DDX60L: variants seen among roughly 807,000 people sequenced by gnomAD.
DDX60L encodes the protein probable ATP-dependent RNA helicase DDX60-like.
A neutral mutation model predicts 211.6 loss-of-function variants in DDX60L; 191 were observed. The ratio of observed to expected loss-of-function variants is 0.90; its 90% CI spans 0.80 to 1.02. DDX60L has a LOEUF of 1.02. DDX60L is among the 50% of genes least tolerant of loss of function. The pLI is 0.00. For synonymous variants in DDX60L, 706 were observed against 694.1 expected, an observed-to-expected ratio of 1.02 and a Z score of -0.27; for missense variants, 2,007 against 1,984.1, an observed-to-expected ratio of 1.01 and a Z score of -0.22.
intron 9 of DDX60L, among the ~76,000 whole-genome samples, chr4:168,445,536 AGCATCATTCTGATACCAAAGCCAG>A (rs1268945545): frequency 6.6e-6 from 1 of 152,184 alleles, no homozygotes; most frequent in Non-Finnish European, 1.5e-5. Context: ...TTATGAGGCC[AGCATCATTCTGATACCAAAGCCAG>A]GCAGAGACAC....
intron 29 of DDX60L, among the ~76,000 whole-genome samples, chr4:168,386,687 TA>T (rs1743946577): frequency 1.3e-5 from 2 of 151,756 alleles, no homozygotes; most frequent in African/African-American, 4.8e-5. Context: ...GATGTTTTTT[TA>T]ATCAAAGTCA....
rs548106785 is a variant in DDX60L, at chr4:168,374,161, G to A, written c.4634-353C>T. Among the ~76,000 whole-genome samples the A allele has an allele frequency of 6.6e-5, 10 of 151,402 alleles. No individual in the cohort carries two copies. The East Asian group carries it at 7.8e-4, about 12-fold the overall frequency. ...GGTTCTGTCCAGCGAGTACCATCTC[G>A]CTGGACTTGGAAGGCACCAAGTCAT... On this transcript the variant is annotated intron_variant, in intron 34 of 37. Transcript: ENST00000682922.
rs1191683914 is a variant in DDX60L at position 168,420,457 on chromosome 4, TACACATACACACACAC to T, written c.2395-93_2395-78del. ...AAAACCTTGAGGACAACCGAATCCA[TACACATACACACACAC>T]ACACACACACACACACACACACACA... On this transcript the variant is annotated intron_variant, in intron 17 of 37. Coordinates refer to ENST00000682922, the MANE Select transcript of DDX60L (RefSeq NM_001012967.3). The T allele has an allele frequency of 1.9e-4, 152 of 815,994 alleles. 5 individuals carry two copies. The highest frequency in any genetic ancestry group is 9.8e-4 in the African/African-American group (41 of 42,020). 50.5% of individuals were successfully genotyped at this position (815,994 alleles called of 1,614,324 possible). A position where few individuals can be genotyped will look rare whatever the true frequency, so the allele number is the denominator to read the frequency against.
chr4:168,396,149 C>G, intron 26 of DDX60L, 25 bp from the exon 27 acceptor site: 1 of 885,348 alleles, frequency 1.1e-6, no homozygotes, highest in Non-Finnish European at 1.6e-6. Flanking sequence ...AAAAAAAAAA[C>G]TTTTAAGTAA....
intron 7 of DDX60L, 105 bp from the exon 8 acceptor site, chr4:168,453,387 T>C: frequency 1.6e-6 from 2 of 1,235,936 alleles, no homozygotes; most frequent in Non-Finnish European, 2.2e-6. Flanking sequence ...TACATCTACA[T>C]TTGTGAGAAA....
intron 36 of DDX60L, among the ~76,000 whole-genome samples, chr4:168,364,691 A>G (rs578215287): frequency 5.9e-5 from 9 of 152,292 alleles, no homozygotes; most frequent in Admixed American, 5.9e-4. Flanking sequence ...GATATTTTTT[A>G]CAGAATATTC....
Position 168,358,008 on chromosome 4 carries a change from T to C in DDX60L, c.*139A>G. Reference sequence around the variant, plus strand: ...AACTTAAAGTCATTCAGTTAGAAAATAGCAGAGCTGATATCTGAGTTTAAT... The same window carrying C: ...AACTTAAAGTCATTCAGTTAGAAAACAGCAGAGCTGATATCTGAGTTTAAT... On this transcript the variant is annotated 3_prime_UTR_variant, in exon 38 of 38. Transcript: ENST00000682922. 4.1e-6 allele frequency: 3 copies of C among 733,930 alleles called. No individual in the cohort carries two copies. In the Admixed American group the frequency reaches 8.6e-5, roughly 21 times the overall value. 45.5% of individuals were successfully genotyped at this position (733,930 alleles called of 1,614,324 possible).
chr4:168,429,274 A>G (rs1216117543), intron 13 of DDX60L, among the ~76,000 whole-genome samples: 1 of 152,060 alleles, frequency 6.6e-6, no homozygotes, highest in Non-Finnish European at 1.5e-5. Context: ...CCTCCTGAGT[A>G]GCTGGGATTA....
intron 1 of DDX60L, among the ~76,000 whole-genome samples, chr4:168,479,981 CAAAAA>C (rs60737462): frequency 0.28 from 28,981 of 102,138 alleles, 3,933 homozygotes; most frequent in South Asian, 0.4. Context: ...GAGACTGACT[CAAAAA>C]AAAAAAAAAA....
At chr4:168,442,839 A>G (rs1754144401) in intron 9 of DDX60L, among the ~76,000 whole-genome samples, 1 of 151,434 alleles carries the variant, frequency 6.6e-6, no homozygotes, top group African/African-American at 2.4e-5. Flanking sequence ...AGGAAAACTA[A>G]CAAACAGAAA....
intron 13 of DDX60L, among the ~76,000 whole-genome samples, chr4:168,428,935 T>C (rs1751898014): frequency 6.6e-6 from 1 of 152,138 alleles, no homozygotes; most frequent in Non-Finnish European, 1.5e-5. Flanking sequence ...AGAAAGAAAA[T>C]AGGTATGGAA....
At chr4:168,358,770 G>A (rs892615195) in intron 37 of DDX60L, among the ~76,000 whole-genome samples, 19 of 151,828 alleles carry the variant, frequency 1.3e-4, no homozygotes, top group South Asian at 1.2e-3. Context: ...CACCCGCCTC[G>A]GCCTCTCAAA....
At chr4:168,471,713 A>G (rs1758803273) in intron 4 of DDX60L, 34 bp downstream of exon 4, 1 of 1,526,128 alleles carries the variant, frequency 6.6e-7, no homozygotes, top group Admixed American at 2.2e-5. Context: ...ATAGTCTTCA[A>G]AGGACTAAAA....
intron 35 of DDX60L, among the ~76,000 whole-genome samples, chr4:168,372,674 C>G (rs186485847): frequency 1.3e-5 from 2 of 151,640 alleles, no homozygotes; most frequent in Non-Finnish European, 2.9e-5. Context: ...ATGCAGTGAG[C>G]CGAGATAGTG....
Position 168,384,519 on chromosome 4 carries a change from C to A in DDX60L, c.4116+93G>T, listed in dbSNP as rs1006467019. ...ATCAAACAAAAAGAAAGTTTATTTT[C>A]TTTCTCAAGACAGACTTCTAAAAGA... On this transcript the variant is annotated intron_variant, in intron 30 of 37. Transcript: ENST00000682922. The A allele has an allele frequency of 3.4e-6, 5 of 1,486,720 alleles. No individual in the cohort carries two copies. In the African/African-American group the frequency reaches 4.2e-5, roughly 13 times the overall value. 92.1% of individuals were successfully genotyped at this position (1,486,720 alleles called of 1,614,324 possible).
At chr4:168,388,283 G>T (rs1744232555) in intron 29 of DDX60L, among the ~76,000 whole-genome samples, 1 of 152,156 alleles carries the variant, frequency 6.6e-6, no homozygotes, top group Non-Finnish European at 1.5e-5. Context: ...TCAATCAGGG[G>T]AAAGAAGGAA....
At chr4:168,478,811 A>G (rs146292094) in intron 1 of DDX60L, among the ~76,000 whole-genome samples, 4,440 of 152,340 alleles carry the variant, frequency 0.029, 105 homozygotes, top group Non-Finnish European at 0.049. Flanking sequence ...AAAGAAATGT[A>G]TATCTTTGGA....
intron 6 of DDX60L, among the ~76,000 whole-genome samples, chr4:168,457,293 TACAC>T (rs756649479): frequency 1.2e-4 from 15 of 125,744 alleles, no homozygotes; most frequent in Non-Finnish European, 1.8e-4. Context: ...CACACACACA[TACAC>T]ACACACACAC....
intron 19 of DDX60L, 42 bp from the exon 20 acceptor site, chr4:168,416,839 A>G (rs763871346): frequency 8.9e-7 from 1 of 1,122,718 alleles, no homozygotes; most frequent in South Asian, 1.5e-5. Flanking sequence ...TGATGTCAAA[A>G]TCGTAAATAA....
Sources: allele counts gnomAD v4.1 joint callset (sites outside exome capture counted in the v4.1 genomes callset), GRCh38; gene constraint gnomAD v4.1.1; transcripts MANE v1.5; gene names NCBI Gene and HGNC (gene_info 2026-07-23, HGNC 2026-07-21).